Variants in HS6ST2 observed in about 807,000 individuals in gnomAD.
HS6ST2 encodes the protein heparan sulfate 6-O-sulfotransferase 2.
Under a neutral mutation model 33.0 loss-of-function variants are expected in HS6ST2, and 17 were observed. That is an observed-to-expected ratio of 0.52 (90% CI 0.35 to 0.77). The LOEUF (loss-of-function observed/expected upper bound fraction) is 0.77, where lower values mean the gene tolerates loss of function less well. Ranked by LOEUF, HS6ST2 falls within the 30% of genes least tolerant of loss-of-function variation. HS6ST2 has a pLI of 0.01. For synonymous variants in HS6ST2, 248 were observed against 237.1 expected, an observed-to-expected ratio of 1.05 and a Z score of -0.42; for missense variants, 519 against 551.7, an observed-to-expected ratio of 0.94 and a Z score of 0.59.
chrX:132,664,850 A>T (rs1038610835), intron 4 of HS6ST2, among the ~76,000 whole-genome samples: 3 of 111,951 alleles, frequency 2.7e-5, no homozygotes, highest in African/African-American at 9.8e-5. Flanking sequence ...TTTTAAGTGG[A>T]TGCCTCTGAA....
intron 2 of HS6ST2, among the ~76,000 whole-genome samples, chrX:132,750,142 C>A (rs2064687658): frequency 1.8e-5 from 2 of 110,488 alleles, no homozygotes; most frequent in Admixed American, 1.9e-4. Context: ...GCCAGTCTCC[C>A]ACCACAATCT....
intron 3 of HS6ST2, among the ~76,000 whole-genome samples, chrX:132,703,441 T>C (rs1026809836): frequency 8.9e-6 from 1 of 112,661 alleles, no homozygotes; most frequent in Non-Finnish European, 1.9e-5. Context: ...ATATGCCATA[T>C]GGTAGTAGCT....
chrX:132,884,539 T>C lies in HS6ST2; in HGVS notation c.947+72269A>G, dbSNP rs757374575. ...CTATTCCACAAGACACTAAGTGCCA[T>C]CACAAAGTACAAAGTGCTATAGAGA... On this transcript the variant is annotated intron_variant, in intron 2 of 4. Transcript: ENST00000370833. Among the ~76,000 whole-genome samples the C allele has an allele frequency of 6.3e-5, 7 of 111,976 alleles. No individual in the cohort carries two copies. The South Asian group carries it at 2.6e-3, about 42-fold the overall frequency.
chrX:132,910,844 A>G (rs900991480), intron 2 of HS6ST2, among the ~76,000 whole-genome samples: 3 of 111,602 alleles, frequency 2.7e-5, no homozygotes, highest in Non-Finnish European at 3.8e-5. Context: ...CTGCAGCATG[A>G]CATATGTTAA....
intron 3 of HS6ST2, among the ~76,000 whole-genome samples, chrX:132,694,925 A>G (rs2064091545): frequency 9.0e-6 from 1 of 111,132 alleles, no homozygotes; most frequent in Non-Finnish European, 1.9e-5. Flanking sequence ...AGATTGGGAG[A>G]GGACCACGTT....
At chrX:132,709,715 T>C (rs904125376) in intron 2 of HS6ST2, among the ~76,000 whole-genome samples, 3 of 109,218 alleles carry the variant, frequency 2.7e-5, no homozygotes, top group African/African-American at 1.0e-4. Flanking sequence ...ACCTACCCCA[T>C]GATTTAGAGT....
chrX:132,776,638 C>A (rs1002792819), intron 2 of HS6ST2, among the ~76,000 whole-genome samples: 2 of 110,677 alleles, frequency 1.8e-5, no homozygotes, highest in Admixed American at 9.7e-5. Flanking sequence ...CTATCCAAAC[C>A]CCCCCTGCAT....
rs1205477445 is a variant in HS6ST2, at chrX:132,661,317, CA to C, written c.1067+7795del. ...CCAATGAATATCCAGTGGAATCTAC[CA>C]AAAAAAAAAAAGCTCCTAAAACTTA... On this transcript the variant is annotated intron_variant, in intron 4 of 4. Transcript: ENST00000370833. 5.7e-3 allele frequency among the ~76,000 whole-genome samples: 514 copies of C among 90,972 alleles called. 4 individuals carry two copies. Among genetic ancestry groups the C allele is most frequent in the African/African-American group, 0.016 (400 of 25,147 alleles). 79.0% of individuals were successfully genotyped at this position (90,972 alleles called of 115,157 possible).
chrX:132,670,098 A>ATT (rs746354261), intron 3 of HS6ST2, among the ~76,000 whole-genome samples: 30 of 104,665 alleles, frequency 2.9e-4, no homozygotes, highest in African/African-American at 1.0e-3. Flanking sequence ...CATCAGGAAG[A>ATT]TTTTTTTTTT....
chrX:132,769,100 GAC>G (rs1176706068), intron 2 of HS6ST2, among the ~76,000 whole-genome samples: 1 of 111,953 alleles, frequency 8.9e-6, no homozygotes, highest in Non-Finnish European at 1.9e-5. Flanking sequence ...GGTAATGCCA[GAC>G]ACTAATTCCC....
At chrX:132,953,209 A>C (rs778026710) in intron 2 of HS6ST2, among the ~76,000 whole-genome samples, 1 of 112,156 alleles carries the variant, frequency 8.9e-6, no homozygotes, top group East Asian at 2.8e-4. Context: ...GTTTGGATAC[A>C]CTTTCAAAAA....
At chrX:132,670,192 G>C (rs1228800547) in intron 3 of HS6ST2, among the ~76,000 whole-genome samples, 1 of 111,336 alleles carries the variant, frequency 9.0e-6, no homozygotes, top group African/African-American at 3.3e-5. Context: ...CTTTTAATGT[G>C]TATAATAGAA....
chrX:132,927,771 C>T (rs1030927739), intron 2 of HS6ST2, among the ~76,000 whole-genome samples: 2 of 107,463 alleles, frequency 1.9e-5, no homozygotes, highest in East Asian at 2.9e-4. Context: ...AGGGGAGGAT[C>T]GCTTGTGCCT....
chrX:132,814,994 T>A (rs2065382256), intron 2 of HS6ST2, among the ~76,000 whole-genome samples: 1 of 111,716 alleles, frequency 9.0e-6, no homozygotes, highest in Non-Finnish European at 1.9e-5. Flanking sequence ...CATACATACT[T>A]TATTTGGGGC....
At chrX:132,798,234 G>A (rs977001902) in intron 2 of HS6ST2, among the ~76,000 whole-genome samples, 1 of 110,291 alleles carries the variant, frequency 9.1e-6, no homozygotes, top group African/African-American at 3.3e-5. Flanking sequence ...CAGCATTATC[G>A]TAGAAGTCCA....
intron 2 of HS6ST2, among the ~76,000 whole-genome samples, chrX:132,750,660 T>C (rs752748834): frequency 3.8e-4 from 43 of 111,994 alleles, no homozygotes; most frequent in Middle Eastern, 4.7e-3. Flanking sequence ...CATAATGTTG[T>C]CTACAGAAGA....
chrX:132,934,788 T>G (rs1193925329), intron 2 of HS6ST2, among the ~76,000 whole-genome samples: 1 of 111,434 alleles, frequency 9.0e-6, no homozygotes, highest in Admixed American at 9.6e-5. Flanking sequence ...TAAATGTAGA[T>G]GGATGAAACA....
At chrX:132,765,834 T>C (rs767475745) in intron 2 of HS6ST2, among the ~76,000 whole-genome samples, 1 of 112,349 alleles carries the variant, frequency 8.9e-6, no homozygotes, top group Non-Finnish European at 1.9e-5. Flanking sequence ...ACATTTATTA[T>C]CTCATGTAAT....
intron 3 of HS6ST2, among the ~76,000 whole-genome samples, chrX:132,676,401 C>G (rs1452479961): frequency 1.8e-5 from 2 of 111,842 alleles, no homozygotes; most frequent in African/African-American, 3.3e-5. Context: ...TGAAAAAATG[C>G]TAGGGAAATA....
Sources: gnomAD v4.1 joint callset for allele counts (sites outside exome capture counted in the v4.1 genomes callset) on GRCh38, gnomAD v4.1.1 for gene constraint, MANE v1.5 for transcripts, NCBI Gene and HGNC (gene_info 2026-07-23, HGNC 2026-07-21) for gene names.